Variants in CADM2 observed in about 807,000 individuals in gnomAD.
The protein encoded by CADM2 is immunoglobulin superfamily member 4D.
Under a neutral mutation model 49.8 loss-of-function variants are expected in CADM2, and 12 were observed. The observed-to-expected ratio is 0.24, with a 90% CI of 0.15 to 0.39. The LOEUF (loss-of-function observed/expected upper bound fraction) is 0.39, where lower values mean the gene tolerates loss of function less well. Ranked by LOEUF, CADM2 falls within the 10% of genes least tolerant of loss-of-function variation. CADM2 has a pLI of 1.00. For missense variants in CADM2, 378 were observed against 492.3 expected (o/e 0.77, Z 2.20); for synonymous variants, 214 against 175.4 (o/e 1.22, Z -1.74).
At chr3:85,589,776 A>C (rs2107335871) in intron 1 of CADM2, among the ~76,000 whole-genome samples, 1 of 152,144 alleles carries the variant, frequency 6.6e-6, no homozygotes, top group East Asian at 1.9e-4. Context: ...AATTACATAA[A>C]ATTTGGTGGA....
At chr3:85,181,553 G>C (rs1253549504) in intron 1 of CADM2, among the ~76,000 whole-genome samples, 1 of 152,024 alleles carries the variant, frequency 6.6e-6, no homozygotes, top group East Asian at 1.9e-4. Flanking sequence ...ATTGAGAATT[G>C]AATATCAAGG....
intron 1 of CADM2, among the ~76,000 whole-genome samples, chr3:85,490,472 A>G (rs927337566): frequency 2.6e-5 from 4 of 152,184 alleles, no homozygotes; most frequent in South Asian, 2.1e-4. Flanking sequence ...TAATACTAGC[A>G]ATTTGGGAGG....
chr3:85,071,152 A>G (rs963377300), intron 1 of CADM2, among the ~76,000 whole-genome samples: 6 of 152,058 alleles, frequency 3.9e-5, no homozygotes, highest in Admixed American at 2.6e-4. Context: ...CTTATAAAGT[A>G]GGAAATATAT....
chr3:85,269,762 G>A (rs1223911255), intron 1 of CADM2, among the ~76,000 whole-genome samples: 1 of 151,176 alleles, frequency 6.6e-6, no homozygotes, highest in Non-Finnish European at 1.5e-5. Context: ...TTTTGAGGCC[G>A]AATCAATGCA....
In CADM2 at chr3:85,637,551, G is replaced by A. The variant is rs923380238; in HGVS notation, c.62-88971G>A. On this transcript the variant is annotated intron_variant, in intron 1 of 9. Coordinates refer to ENST00000383699, the MANE Select transcript of CADM2 (RefSeq NM_001167675.2). ...CGGGAAGCGGAGCTTGCAGTGAGCC[G>A]AGATTGCGCCACTGCAGTCCGCAGT... 3.5e-4 allele frequency among the ~76,000 whole-genome samples: 51 copies of A among 146,674 alleles called. 1 individual carries two copies. The South Asian group carries it at 0.01, about 29-fold the overall frequency.
intron 3 of CADM2, among the ~76,000 whole-genome samples, chr3:85,813,321 T>C (rs1465719925): frequency 6.6e-6 from 1 of 152,196 alleles, no homozygotes; most frequent in Non-Finnish European, 1.5e-5. Context: ...CTTTTTTTCA[T>C]GTTTGTTGGC....
intron 8 of CADM2, among the ~76,000 whole-genome samples, chr3:85,962,085 A>G (rs1359016821): frequency 1.3e-5 from 2 of 151,664 alleles, no homozygotes; most frequent in East Asian, 2.0e-4. Context: ...ACAGGCATGC[A>G]CCACTATATT....
intron 3 of CADM2, among the ~76,000 whole-genome samples, chr3:85,841,233 A>C (rs1199875222): frequency 6.6e-6 from 1 of 151,884 alleles, no homozygotes; most frequent in South Asian, 2.1e-4. Context: ...CTTTAGGTGA[A>C]TATTTAAAAA....
chr3:85,123,854 A>G (rs1323078835), intron 1 of CADM2, among the ~76,000 whole-genome samples: 1 of 152,210 alleles, frequency 6.6e-6, no homozygotes, highest in Non-Finnish European at 1.5e-5. Context: ...TTCAAAGCAA[A>G]AATTGCACAA....
rs538393184 is a variant in CADM2 at position 85,193,758 on chromosome 3, C to G, written c.61+234090C>G. On this transcript the variant is annotated intron_variant, in intron 1 of 9. Transcript: ENST00000383699. Reference sequence around the variant, plus strand: ...TTGGGCCCTAGCTTACAAAATGTCTCCCTCTATTGTCCACAATGTAATTCC... The same window carrying G: ...TTGGGCCCTAGCTTACAAAATGTCTGCCTCTATTGTCCACAATGTAATTCC... Among the ~76,000 whole-genome samples the G allele has an allele frequency of 1.3e-4, 20 of 152,172 alleles. No homozygotes were observed. In the South Asian group the frequency reaches 3.1e-3, roughly 24 times the overall value.
intron 7 of CADM2, among the ~76,000 whole-genome samples, chr3:85,945,149 C>T (rs1044745057): frequency 3.9e-5 from 6 of 152,098 alleles, no homozygotes; most frequent in Non-Finnish European, 7.4e-5. Context: ...TCTATAAACA[C>T]CTCTACGCAA....
At chr3:85,174,717 A>G (rs753901493) in intron 1 of CADM2, among the ~76,000 whole-genome samples, 20 of 152,244 alleles carry the variant, frequency 1.3e-4, no homozygotes, top group Non-Finnish European at 2.8e-4. Context: ...AAATTTTAAC[A>G]TTGGCATAAG....
chr3:85,324,944 T>C (rs2107122822), intron 1 of CADM2, among the ~76,000 whole-genome samples: 1 of 152,312 alleles, frequency 6.6e-6, no homozygotes, highest in South Asian at 2.1e-4. Flanking sequence ...CTGCCAGCTC[T>C]GCAAGGCCTT....
chr3:85,762,148 G>T (rs1385681921), intron 2 of CADM2, among the ~76,000 whole-genome samples: 1 of 152,106 alleles, frequency 6.6e-6, no homozygotes, highest in Non-Finnish European at 1.5e-5. Context: ...TAGAAGAAAA[G>T]TTACAGTGCA....
chr3:85,096,195 T>A (rs767139326), intron 1 of CADM2, among the ~76,000 whole-genome samples: 11 of 152,184 alleles, frequency 7.2e-5, no homozygotes, highest in Non-Finnish European at 1.5e-4. Flanking sequence ...ATATTTAACA[T>A]CAGAATATTC....
intron 2 of CADM2, among the ~76,000 whole-genome samples, chr3:85,797,151 C>T (rs1048794305): frequency 5.3e-5 from 8 of 151,474 alleles, no homozygotes; most frequent in African/African-American, 1.9e-4. Context: ...GCAGAAGTGC[C>T]CAGTTTTAGG....
intron 1 of CADM2, among the ~76,000 whole-genome samples, chr3:85,532,366 G>A: frequency 6.6e-6 from 1 of 152,070 alleles, no homozygotes; most frequent in East Asian, 1.9e-4. Flanking sequence ...TGACATTTCT[G>A]TCCCCTGGAG....
intron 2 of CADM2, among the ~76,000 whole-genome samples, chr3:85,768,197 A>G (rs1259982011): frequency 1.3e-5 from 2 of 152,188 alleles, no homozygotes; most frequent in Non-Finnish European, 2.9e-5. Flanking sequence ...CTGTAATCCC[A>G]GCACTTTGAG....
chr3:85,667,676 T>A (rs1053956801), intron 1 of CADM2, among the ~76,000 whole-genome samples: 11 of 152,014 alleles, frequency 7.2e-5, no homozygotes, highest in African/African-American at 2.7e-4. Context: ...GTATTCTGAT[T>A]TTAGGAACTA....
Sources: allele counts gnomAD v4.1 joint callset (sites outside exome capture counted in the v4.1 genomes callset), GRCh38; gene constraint gnomAD v4.1.1; transcripts MANE v1.5; gene names NCBI Gene and HGNC (gene_info 2026-07-23, HGNC 2026-07-21).